Variants in PLA2G7 observed in about 807,000 individuals in gnomAD.
The protein encoded by PLA2G7 is phospholipase A2 group VII.
Under a neutral mutation model 49.6 loss-of-function variants are expected in PLA2G7, and 63 were observed. The observed-to-expected ratio is 1.27, with a 90% CI of 1.04 to 1.57. The LOEUF is 1.57. Ranked by LOEUF, PLA2G7 falls within the 40% of genes most tolerant of loss-of-function variation. PLA2G7 has a pLI of 0.00. For missense variants in PLA2G7, 596 were observed against 521.2 expected (o/e 1.14, Z -1.40); for synonymous variants, 193 against 169.9 (o/e 1.14, Z -1.06).
chr6:46,714,684 T>G, intron 4 of PLA2G7, 131 bp from the exon 5 acceptor site: 2 of 691,716 alleles, frequency 2.9e-6, no homozygotes, highest in South Asian at 1.6e-5. Flanking sequence ...AATAGTAGAT[T>G]CATTAAAAAG....
At chr6:46,712,373 AG>A in intron 5 of PLA2G7, 36 bp from the exon 6 acceptor site, 1 of 1,474,752 alleles carries the variant, frequency 6.8e-7, no homozygotes, top group Non-Finnish European at 9.5e-7. Flanking sequence ...TACAACTACC[AG>A]TCATGATTAC....
chr6:46,717,654 C>T (rs941696550), intron 2 of PLA2G7, among the ~76,000 whole-genome samples: 1 of 151,994 alleles, frequency 6.6e-6, no homozygotes, highest in Admixed American at 6.6e-5. Flanking sequence ...ATTCTCCTAC[C>T]TCTTTCTCAC....
At chr6:46,715,027 A>T (rs1016825243) in intron 4 of PLA2G7, among the ~76,000 whole-genome samples, 10 of 152,028 alleles carry the variant, frequency 6.6e-5, no homozygotes, top group African/African-American at 2.4e-4. Context: ...GAGCCACCGC[A>T]CCCGGCGTAA....
At chr6:46,728,666 A>G (rs1316273730) in intron 1 of PLA2G7, among the ~76,000 whole-genome samples, 1 of 152,206 alleles carries the variant, frequency 6.6e-6, no homozygotes, top group Non-Finnish European at 1.5e-5. Flanking sequence ...GTTGTCTAAG[A>G]TCAATGGGCA....
In PLA2G7 at chr6:46,734,415, T is replaced by A. The variant is rs867151226; in HGVS notation, c.-35+765A>T. Among the ~76,000 whole-genome samples the A allele has an allele frequency of 5.2e-3, 281 of 54,286 alleles. 1 individual carries two copies. The highest frequency in any genetic ancestry group is 9.8e-3 in the African/African-American group (172 of 17,500). The allele number at this position is 54,286 out of a possible 152,430, so 35.6% of individuals were successfully genotyped here. ...AGGTGTGTAGTGGTGTGTGTGTGTG[T>A]GAGAGAGAGAGAGAGAGAGAGAGAG... On this transcript the variant is annotated intron_variant, in intron 1 of 11. Transcript: ENST00000274793.
rs746230328 is a variant in PLA2G7, at chr6:46,711,573, C to A, written c.586G>T (p.Ala196Ser). 5.0e-6 allele frequency: 8 copies of A among 1,613,630 alleles called. No homozygotes were observed. The highest frequency in any genetic ancestry group is 4.2e-6 in the Non-Finnish European group (5 of 1,179,556). ...ATYYFKDQSAAEIGDKSWLYL... is the reference protein window; with the variant it reads ...ATYYFKDQSASEIGDKSWLYL... The stretch of plus-strand genomic sequence containing the variant: ...AGCCAAGACTTGTCCCCTATTTCTG[C>A]AGCAGATTGGTCCTTGAAATAGTAA... The change falls in exon 7 of 12, where the codon GCA (alanine) becomes TCA (serine). Residue 196 changes from alanine to serine, a missense_variant. Coordinates refer to ENST00000274793, the MANE Select transcript of PLA2G7 (RefSeq NM_005084.4).
At chr6:46,713,416 C>T (rs879344932) in intron 5 of PLA2G7, among the ~76,000 whole-genome samples, 8 of 152,064 alleles carry the variant, frequency 5.3e-5, no homozygotes, top group Non-Finnish European at 1.0e-4. Flanking sequence ...TGTTGTAGGA[C>T]AAAAGTAGCC....
Position 46,717,113 on chromosome 6 carries a change from T to G in PLA2G7, c.110-17A>C, listed in dbSNP as rs376603624. On this transcript the variant is annotated splice_polypyrimidine_tract_variant and intron_variant, in intron 2 of 11. Transcript: ENST00000274793. ...TGACCCATGCTGAAAAACAGGTAAATATTATCTCATTTGTCATCCATTACA... is the reference window on the plus strand; with the variant it reads ...TGACCCATGCTGAAAAACAGGTAAAGATTATCTCATTTGTCATCCATTACA... 3.1e-6 allele frequency: 5 copies of G among 1,607,736 alleles called. No individual in the cohort carries two copies. Among genetic ancestry groups the G allele is most frequent in the Admixed American group, 1.7e-5 (1 of 60,026 alleles).
At chr6:46,721,911 G>A (rs1319963437) in intron 2 of PLA2G7, among the ~76,000 whole-genome samples, 3 of 152,020 alleles carry the variant, frequency 2.0e-5, no homozygotes, top group Non-Finnish European at 2.9e-5. Flanking sequence ...GATCCAGAGT[G>A]ACCCACAACT....
At chr6:46,726,768 A>G (rs1053106346) in intron 1 of PLA2G7, among the ~76,000 whole-genome samples, 4 of 151,834 alleles carry the variant, frequency 2.6e-5, no homozygotes, top group Non-Finnish European at 5.9e-5. Context: ...CAGCCTTCTG[A>G]GTAGCTGGGA....
At position 46,704,665 on chromosome 6, in the gene PLA2G7, G is replaced by T; in HGVS notation, c.1221C>A (p.Cys407Ter). The T allele has an allele frequency of 6.3e-7, 1 of 1,579,244 alleles. No individual in the cohort carries two copies. The highest frequency in any genetic ancestry group is 8.7e-7 in the Non-Finnish European group (1 of 1,148,098). ...GLHKDFDQWD[C>*]LIEGDDENLI... ...GATTCTCATCATCTCCTTCAATCAA[G>T]CAGTCCCACTGATCAAAATCTTTAT... The change falls in exon 12 of 12, where the codon TGC (cysteine) becomes TGA (stop). Residue 407 changes from cysteine (C) to a stop codon, truncating the protein, a stop_gained. Coordinates refer to ENST00000274793, the MANE Select transcript of PLA2G7 (RefSeq NM_005084.4). LOFTEE classifies it low-confidence loss of function (END_TRUNC).
intron 1 of PLA2G7, among the ~76,000 whole-genome samples, chr6:46,724,729 G>T (rs542771243): frequency 1.3e-5 from 2 of 152,188 alleles, no homozygotes; most frequent in African/African-American, 4.8e-5. Context: ...AGTGAAAGAC[G>T]CCTGGATACC....
At chr6:46,714,792 A>AT (rs1283149579) in intron 4 of PLA2G7, among the ~76,000 whole-genome samples, 1 of 148,222 alleles carries the variant, frequency 6.7e-6, no homozygotes, top group Non-Finnish European at 1.5e-5. Context: ...CTGGAGTGCA[A>AT]TGGCACAATC....
intron 6 of PLA2G7, among the ~76,000 whole-genome samples, 154 bp downstream of exon 6, chr6:46,712,115 G>A (rs567687292): frequency 2.8e-4 from 43 of 152,220 alleles, no homozygotes; most frequent in African/African-American, 8.4e-4. Context: ...CTTTTAAGTC[G>A]ATAAACTCAA....
intron 10 of PLA2G7, among the ~76,000 whole-genome samples, chr6:46,706,097 C>T (rs1396747717): frequency 6.6e-6 from 1 of 152,166 alleles, no homozygotes; most frequent in Non-Finnish European, 1.5e-5. Context: ...TCTGTGTTAT[C>T]ATGTAAATTA....
chr6:46,718,339 A>C (rs1038676053), intron 2 of PLA2G7, among the ~76,000 whole-genome samples: 2 of 152,350 alleles, frequency 1.3e-5, no homozygotes, highest in South Asian at 4.1e-4. Context: ...ATTTAAATCT[A>C]CACATGCTTT....
At chr6:46,735,599 T>G (rs1488191294), upstream of PLA2G7, 2 of 152,496 alleles carry the variant, frequency 1.3e-5, no homozygotes, top group Non-Finnish European at 2.9e-5. Context: ...AGGCAATGCC[T>G]GGGTGGTGTC....
chr6:46,734,644 A>C (rs1765859521), intron 1 of PLA2G7, among the ~76,000 whole-genome samples: 1 of 151,848 alleles, frequency 6.6e-6, no homozygotes, highest in South Asian at 2.1e-4. Context: ...AACACAGCGA[A>C]ACCCCGTCTC....
rs1764727867 is a variant in PLA2G7, at chr6:46,704,493, C to G, written c.*67G>C. Reference sequence around the variant, plus strand: ...TCTCTCTCTCTCACACACACACACACACACACACACACACACATAATTTTA... The same window carrying G: ...TCTCTCTCTCTCACACACACACACAGACACACACACACACACATAATTTTA... On this transcript the variant is annotated 3_prime_UTR_variant, in exon 12 of 12. Coordinates refer to ENST00000274793, the MANE Select transcript of PLA2G7 (RefSeq NM_005084.4). The G allele has an allele frequency of 5.7e-6, 5 of 875,510 alleles. No individual in the cohort carries two copies. The South Asian group carries it at 6.7e-5, about 12-fold the overall frequency. 54.2% of individuals were successfully genotyped at this position (875,510 alleles called of 1,614,324 possible).
Sources: allele counts gnomAD v4.1 joint callset (sites outside exome capture counted in the v4.1 genomes callset), GRCh38; gene constraint gnomAD v4.1.1; transcripts MANE v1.5; gene names NCBI Gene and HGNC (gene_info 2026-07-23, HGNC 2026-07-21).